Variants in HIVEP3 observed in about 807,000 individuals in gnomAD.
HIVEP3 encodes HIVEP zinc finger 3.
In HIVEP3, 49 loss-of-function variants were observed where a neutral mutation model predicts 152.8. The ratio of observed to expected loss-of-function variants is 0.32; its 90% CI spans 0.26 to 0.41. The LOEUF (loss-of-function observed/expected upper bound fraction) is 0.41. Among genes scored for constraint, HIVEP3 ranks in the 10% least tolerant of loss-of-function variants. The pLI is 1.00. For missense variants in HIVEP3, 2,790 were observed against 3,103.3 expected (o/e 0.90, Z 2.40); for synonymous variants, 1,269 against 1,289.0 (o/e 0.98, Z 0.33).
intron 1 of HIVEP3, among the ~76,000 whole-genome samples, chr1:41,827,736 G>A (rs927541955): frequency 2.6e-5 from 4 of 152,182 alleles, no homozygotes; most frequent in Non-Finnish European, 5.9e-5. Flanking sequence ...ACATCATAGT[G>A]AAGAACATGA....
At chr1:41,687,311 C>A (rs1646128886) in intron 2 of HIVEP3, among the ~76,000 whole-genome samples, 1 of 152,216 alleles carries the variant, frequency 6.6e-6, no homozygotes, top group South Asian at 2.1e-4. Flanking sequence ...GCCAAGATGA[C>A]ATAACCTGAC....
intron 1 of HIVEP3, among the ~76,000 whole-genome samples, chr1:42,033,487 T>C (rs1306682632): frequency 6.6e-6 from 1 of 152,208 alleles, no homozygotes; most frequent in Non-Finnish European, 1.5e-5. Flanking sequence ...TCCATTCACT[T>C]GACACCTGGT....
intron 5 of HIVEP3, among the ~76,000 whole-genome samples, chr1:41,553,326 CT>C (rs1027817110): frequency 3.3e-5 from 5 of 151,844 alleles, no homozygotes; most frequent in African/African-American, 1.2e-4. Flanking sequence ...GCAACCCCTG[CT>C]TTTTTTTCGC....
At chr1:41,678,487 A>T (rs1459804975) in intron 2 of HIVEP3, among the ~76,000 whole-genome samples, 1 of 149,856 alleles carries the variant, frequency 6.7e-6, no homozygotes, top group African/African-American at 2.5e-5. Flanking sequence ...GTGGGCCTAG[A>T]GAAGCAGCCT....
intron 5 of HIVEP3, among the ~76,000 whole-genome samples, chr1:41,531,841 GA>G (rs1553222172): frequency 4.1e-5 from 2 of 49,066 alleles, no homozygotes; most frequent in Admixed American, 1.8e-4. Context: ...TGGAGGACAG[GA>G]GAGATGGAAG....
At chr1:41,967,292 G>A (rs1381768098) in intron 1 of HIVEP3, among the ~76,000 whole-genome samples, 1 of 152,080 alleles carries the variant, frequency 6.6e-6, no homozygotes, top group Non-Finnish European at 1.5e-5. Context: ...TCACATAAAT[G>A]AATGGAAGTA....
At chr1:41,802,773 C>T (rs557585639) in intron 1 of HIVEP3, among the ~76,000 whole-genome samples, 3 of 152,156 alleles carry the variant, frequency 2.0e-5, no homozygotes, top group Admixed American at 6.5e-5. Context: ...GGGTTTTTCT[C>T]TCTTCCTCCC....
At position 41,509,341 on chromosome 1, in the gene HIVEP3, C is replaced by T. The variant is rs1558009835; in HGVS notation, c.*1110G>A. 1 of 152,134 alleles carries T rather than the reference C, an allele frequency of 6.6e-6. No homozygotes were observed. The highest frequency in any genetic ancestry group is 2.4e-5 in the African/African-American group (1 of 41,408). The allele number at this position is 152,134 out of a possible 1,614,324, so 9.4% of individuals were successfully genotyped here. A position where few individuals can be genotyped will look rare whatever the true frequency, so the allele number is the denominator to read the frequency against. The stretch of plus-strand genomic sequence containing the variant: ...GGGACGGGGGGAAACGGTCCTGTGG[C>T]AAAGTGGTCCTGAAACAGTTCCCCG... On this transcript the variant is annotated 3_prime_UTR_variant, in exon 9 of 9. Coordinates refer to ENST00000372583, the MANE Select transcript of HIVEP3 (RefSeq NM_024503.5).
At chr1:41,885,607 G>A (rs1644332532) in intron 1 of HIVEP3, among the ~76,000 whole-genome samples, 1 of 152,234 alleles carries the variant, frequency 6.6e-6, no homozygotes, top group African/African-American at 2.4e-5. Flanking sequence ...AGGGGGTGCA[G>A]TGAGCTGAGA....
intron 1 of HIVEP3, among the ~76,000 whole-genome samples, chr1:41,881,116 C>T (rs2124426760): frequency 6.6e-6 from 1 of 152,208 alleles, no homozygotes; most frequent in South Asian, 2.1e-4. Context: ...AGAGGATGAT[C>T]GTTATGGTGG....
intron 1 of HIVEP3, among the ~76,000 whole-genome samples, chr1:41,851,970 G>A (rs1221382110): frequency 6.6e-6 from 1 of 152,198 alleles, no homozygotes; most frequent in Non-Finnish European, 1.5e-5. Flanking sequence ...TCATGGGGCT[G>A]GTAGAAAATA....
rs1365248520 is a variant in HIVEP3, at chr1:41,662,346, G to C, written c.-720-33399C>G. ...GGCGGGCTGGCGGGCGGGCGCCGGCGGCGGGCGCGGCTCCGGGCCGCCCCG... is the reference window on the plus strand; with the variant it reads ...GGCGGGCTGGCGGGCGGGCGCCGGCCGCGGGCGCGGCTCCGGGCCGCCCCG... On this transcript the variant is annotated intron_variant, in intron 2 of 8. Coordinates refer to ENST00000372583, the MANE Select transcript of HIVEP3 (RefSeq NM_024503.5). This position sits in a 1 kb window ranked among gnomAD's most constrained non-coding sequence, Gnocchi z 7.2. 6.9e-6 allele frequency: 1 copy of C among 145,652 alleles called. No homozygotes were observed. The highest frequency in any genetic ancestry group is 2.1e-4 in the South Asian group (1 of 4,792). The allele number at this position is 145,652 out of a possible 1,614,324, so 9.0% of individuals were successfully genotyped here.
intron 2 of HIVEP3, among the ~76,000 whole-genome samples, chr1:41,645,268 A>G (rs1645441809): frequency 1.3e-5 from 2 of 151,746 alleles, no homozygotes; most frequent in African/African-American, 4.8e-5. Context: ...CTTCTCTGAG[A>G]CTCCCAAGGG....
intron 1 of HIVEP3, among the ~76,000 whole-genome samples, chr1:41,857,299 A>C (rs1170834987): frequency 1.3e-5 from 2 of 152,202 alleles, no homozygotes; most frequent in African/African-American, 4.8e-5. Context: ...CTTAGAAGAC[A>C]AGAGTTATTT....
chr1:41,960,909 C>T (rs1310599487), intron 1 of HIVEP3, among the ~76,000 whole-genome samples: 1 of 152,186 alleles, frequency 6.6e-6, no homozygotes, highest in Non-Finnish European at 1.5e-5. Flanking sequence ...TCTCTCATCC[C>T]TCATGTACTT....
intron 3 of HIVEP3, among the ~76,000 whole-genome samples, chr1:41,622,120 A>G (rs945213019): frequency 6.6e-6 from 1 of 152,224 alleles, no homozygotes; most frequent in African/African-American, 2.4e-5. Context: ...CTTACTGAGC[A>G]CCTGCAGAAA....
intron 4 of HIVEP3, 64 bp from the exon 5 acceptor site, chr1:41,575,753 A>G (rs1376620839): frequency 6.5e-6 from 10 of 1,550,388 alleles, no homozygotes; most frequent in South Asian, 1.1e-5. Flanking sequence ...TCACGAATGC[A>G]ATGCTAATAA....
At chr1:41,558,689 C>T (rs1644007422) in intron 5 of HIVEP3, among the ~76,000 whole-genome samples, 1 of 152,200 alleles carries the variant, frequency 6.6e-6, no homozygotes, top group South Asian at 2.1e-4. Flanking sequence ...TTGTCAGCTG[C>T]CTCCATTCCT....
chr1:41,535,446 C>T (rs1445501400), intron 5 of HIVEP3: 1 of 152,284 alleles, frequency 6.6e-6, no homozygotes, highest in Non-Finnish European at 1.5e-5. Context: ...AGGCCTACGC[C>T]ACAGGCTGCC....
Sources: allele counts gnomAD v4.1 joint callset (sites outside exome capture counted in the v4.1 genomes callset), GRCh38; gene constraint gnomAD v4.1.1; non-coding constraint Gnocchi (gnomAD v3.1); transcripts MANE v1.5; gene names NCBI Gene and HGNC (gene_info 2026-07-23, HGNC 2026-07-21).